Variants in RASAL2 observed in about 807,000 individuals in gnomAD.
RASAL2 encodes the protein RAS protein activator like 2, also known as ras GTPase-activating protein nGAP.
In RASAL2, 58 loss-of-function variants were observed where a neutral mutation model predicts 128.9. The observed-to-expected ratio is 0.45, with a 90% CI of 0.36 to 0.56. The LOEUF is 0.56. Ranked by LOEUF, RASAL2 falls within the 20% of genes least tolerant of loss-of-function variation. The pLI is 0.00. For missense variants in RASAL2, 1,360 were observed against 1,601.6 expected (o/e 0.85, Z 2.57); for synonymous variants, 561 against 580.8 (o/e 0.97, Z 0.49).
intron 3 of RASAL2, among the ~76,000 whole-genome samples, chr1:178,386,592 C>T (rs1382544219): frequency 2.0e-5 from 3 of 152,068 alleles, no homozygotes; most frequent in Non-Finnish European, 4.4e-5. Flanking sequence ...CTTAACCAGG[C>T]TTTTTATAAC....
intron 5 of RASAL2, among the ~76,000 whole-genome samples, chr1:178,423,162 G>C (rs1272215680): frequency 6.6e-6 from 1 of 152,000 alleles, no homozygotes; most frequent in Non-Finnish European, 1.5e-5. Context: ...CTGAATCTTT[G>C]TATGCTACAG....
chr1:178,361,480 C>T (rs935422955), intron 3 of RASAL2, among the ~76,000 whole-genome samples: 10 of 151,908 alleles, frequency 6.6e-5, no homozygotes, highest in South Asian at 2.1e-4. Flanking sequence ...TATTAGTACC[C>T]GTTAGCTTTT....
chr1:178,254,229 A>T (rs1477360876), intron 1 of RASAL2, among the ~76,000 whole-genome samples: 1 of 152,104 alleles, frequency 6.6e-6, no homozygotes, highest in African/African-American at 2.4e-5. Flanking sequence ...ATGTCTATTT[A>T]TCCTTCAGAG....
chr1:178,352,533 G>C (rs1203974517), intron 3 of RASAL2, among the ~76,000 whole-genome samples: 1 of 152,146 alleles, frequency 6.6e-6, no homozygotes, highest in Non-Finnish European at 1.5e-5. Context: ...AGTGCTGGCA[G>C]TTTTTCCAGG....
At chr1:178,312,586 G>A (rs574134602) in intron 3 of RASAL2, among the ~76,000 whole-genome samples, 2 of 152,250 alleles carry the variant, frequency 1.3e-5, no homozygotes, top group East Asian at 3.9e-4. Flanking sequence ...CTAGCACAGG[G>A]GAGAGAAAAA....
intron 1 of RASAL2, among the ~76,000 whole-genome samples, chr1:178,236,823 G>A (rs1343443414): frequency 6.7e-6 from 1 of 149,456 alleles, no homozygotes; most frequent in African/African-American, 2.5e-5. Context: ...GAGGCCAGTG[G>A]TGCGATCTCG....
At chr1:178,103,597 T>C in intron 1 of RASAL2, among the ~76,000 whole-genome samples, 1 of 152,104 alleles carries the variant, frequency 6.6e-6, no homozygotes, top group East Asian at 1.9e-4. Flanking sequence ...ATCTTTTACA[T>C]TAAGTGTGAT....
intron 1 of RASAL2, among the ~76,000 whole-genome samples, chr1:178,257,423 A>ATGTGTG (rs71108037): frequency 0.014 from 2,048 of 147,234 alleles, 50 homozygotes; most frequent in African/African-American, 0.042. Flanking sequence ...GCTCAGGGAT[A>ATGTGTG]TGTGTGTGTG....
chr1:178,456,609 C>G, intron 12 of RASAL2, 112 bp from the exon 13 acceptor site: 1 of 1,129,658 alleles, frequency 8.9e-7, no homozygotes, highest in Non-Finnish European at 1.3e-6. Flanking sequence ...AAACACTTAC[C>G]CTTCCCTCCA....
chr1:178,469,335 G>A (rs536044239), intron 17 of RASAL2, among the ~76,000 whole-genome samples: 22 of 152,254 alleles, frequency 1.4e-4, no homozygotes, highest in African/African-American at 4.3e-4. Flanking sequence ...GGGAGCTTGG[G>A]TGTGCCACAG....
chr1:178,321,243 A>T (rs910635376), intron 3 of RASAL2, among the ~76,000 whole-genome samples: 6 of 151,862 alleles, frequency 4.0e-5, no homozygotes, highest in African/African-American at 1.5e-4. Context: ...GCCACCATGC[A>T]TGGCTAATTT....
At chr1:178,238,261 T>A (rs1270612616) in intron 1 of RASAL2, among the ~76,000 whole-genome samples, 3 of 152,210 alleles carry the variant, frequency 2.0e-5, no homozygotes, top group Non-Finnish European at 4.4e-5. Flanking sequence ...ACTTTCTTTT[T>A]ATCACTGACT....
At chr1:178,135,494 C>CTT (rs1553253107) in intron 1 of RASAL2, among the ~76,000 whole-genome samples, 1 of 21,204 alleles carries the variant, frequency 4.7e-5, no homozygotes, top group Non-Finnish European at 1.0e-4. Flanking sequence ...CTTGTCTCTT[C>CTT]ATAAAAAAAA....
chr1:178,158,139 CTATT>C (rs966591847), intron 1 of RASAL2, among the ~76,000 whole-genome samples: 1 of 152,198 alleles, frequency 6.6e-6, no homozygotes, highest in African/African-American at 2.4e-5. Context: ...ACTTTATTCT[CTATT>C]TAACTCACAG....
At chr1:178,299,558 T>C (rs1667670942) in intron 2 of RASAL2, among the ~76,000 whole-genome samples, 1 of 151,962 alleles carries the variant, frequency 6.6e-6, no homozygotes, top group Non-Finnish European at 1.5e-5. Flanking sequence ...AGTGCAGTGG[T>C]GTGATCTCGG....
chr1:178,161,549 A>T (rs992377997), intron 1 of RASAL2, among the ~76,000 whole-genome samples: 3 of 152,172 alleles, frequency 2.0e-5, no homozygotes, highest in African/African-American at 7.2e-5. Context: ...CTACCATTTG[A>T]CTATTATGAA....
chr1:178,105,330 C>T (rs1330389858), intron 1 of RASAL2, among the ~76,000 whole-genome samples: 1 of 152,144 alleles, frequency 6.6e-6, no homozygotes, highest in Non-Finnish European at 1.5e-5. Flanking sequence ...ACCAAATTTT[C>T]TTTTACCATT....
chr1:178,454,409 G>A, intron 11 of RASAL2, 38 bp from the exon 12 acceptor site: 1 of 1,492,456 alleles, frequency 6.7e-7, no homozygotes, highest in Non-Finnish European at 9.3e-7. Flanking sequence ...TATCTCTCTT[G>A]AATATGTTCT....
At chr1:178,302,890 G>A (rs1343414932) in intron 3 of RASAL2, among the ~76,000 whole-genome samples, 4 of 151,996 alleles carry the variant, frequency 2.6e-5, no homozygotes, top group Admixed American at 2.6e-4. Context: ...GGTGGCATGT[G>A]CCTGTAGTCC....
Sources: gnomAD v4.1 joint callset for allele counts (sites outside exome capture counted in the v4.1 genomes callset) on GRCh38, gnomAD v4.1.1 for gene constraint, MANE v1.5 for transcripts, NCBI Gene and HGNC (gene_info 2026-07-23, HGNC 2026-07-21) for gene names.